BANP: variants seen among roughly 807,000 people sequenced by gnomAD.
The protein encoded by BANP is BTG3 associated nuclear protein, also known as protein BANP.
BANP carries 11 observed loss-of-function variants against 68.1 expected under a neutral mutation model. The ratio of observed to expected loss-of-function variants is 0.16; its 90% CI spans 0.10 to 0.27. BANP has a LOEUF of 0.27. BANP is among the 10% of genes least tolerant of loss of function. The probability of loss-of-function intolerance (pLI) is 1.00; values close to 1 mark genes in which losing one functional copy is unlikely to be tolerated. For synonymous variants in BANP, 329 were observed against 303.2 expected (o/e 1.09, Z -0.88); for missense variants, 504 against 722.7 (o/e 0.70, Z 3.47).
chr16:88,058,679 G>T (rs72818559), intron 11 of BANP, among the ~76,000 whole-genome samples: 1,684 of 152,224 alleles, frequency 0.011, 10 homozygotes, highest in Middle Eastern at 0.017. Flanking sequence ...CCCGGGGTTT[G>T]TAGGAAGCCT....
rs1045100473 is a variant in BANP, at chr16:88,002,417, G to T, written c.363-1878G>T. Among the ~76,000 whole-genome samples the T allele has an allele frequency of 6.6e-6, 1 of 152,182 alleles. No homozygotes were observed. Among genetic ancestry groups the T allele is most frequent in the African/African-American group, 2.4e-5 (1 of 41,438 alleles). ...GCTGGTGTTCAGGTGGCCCTGCGCT[G>T]GCTCCTGGGGTCTGTGCCCTAGGTG... On this transcript the variant is annotated intron_variant, in intron 4 of 13. Transcript: ENST00000682872. The surrounding 1 kb of genome is among the most constrained non-coding windows in gnomAD (Gnocchi z 4.6).
intron 12 of BANP, among the ~76,000 whole-genome samples, chr16:88,068,982 C>T (rs2089572962): frequency 6.6e-6 from 1 of 152,062 alleles, no homozygotes; most frequent in South Asian, 2.1e-4. Flanking sequence ...AGCCCAGCCC[C>T]CTGCCCCTGC....
At position 87,959,643 on chromosome 16, in the gene BANP, G is replaced by A. The variant is rs945698783; in HGVS notation, c.-69+8128G>A. Among the ~76,000 whole-genome samples the A allele has an allele frequency of 3.9e-5, 6 of 152,324 alleles. No individual in the cohort carries two copies. The East Asian group carries it at 1.2e-3, about 29-fold the overall frequency. ...CTGCAGCCCGTGTGGTTTTGGGAGG[G>A]ACACATGGAGCATTGGAGGACAAAG... On this transcript the variant is annotated intron_variant, in intron 1 of 13. Coordinates refer to ENST00000682872, the MANE Select transcript of BANP (RefSeq NM_001386991.1).
At chr16:88,006,379 G>T in intron 6 of BANP, 114 bp downstream of exon 6, 3 of 1,241,628 alleles carry the variant, frequency 2.4e-6, no homozygotes, top group Non-Finnish European at 3.3e-6. Context: ...AGGCGCGGTG[G>T]CTCACGCCTG....
chr16:87,954,423 A>C (rs1358906311), intron 1 of BANP, among the ~76,000 whole-genome samples: 2 of 152,152 alleles, frequency 1.3e-5, no homozygotes, highest in African/African-American at 4.8e-5. Context: ...CTTTATGGCA[A>C]GTCCTCCATA....
At chr16:88,065,923 C>T (rs1370771082) in intron 12 of BANP, among the ~76,000 whole-genome samples, 1 of 152,116 alleles carries the variant, frequency 6.6e-6, no homozygotes, top group African/African-American at 2.4e-5. Flanking sequence ...GCTTGCCTTC[C>T]ACCTCCTTCC....
intron 9 of BANP, 93 bp downstream of exon 9, chr16:88,033,338 T>C (rs1213172361): frequency 1.4e-5 from 18 of 1,305,422 alleles, no homozygotes; most frequent in Non-Finnish European, 1.8e-5. Flanking sequence ...CCGCTGTGTT[T>C]TGGGAGCACA....
At chr16:88,072,746 T>C (rs1166997825) in intron 13 of BANP, among the ~76,000 whole-genome samples, 1 of 152,254 alleles carries the variant, frequency 6.6e-6, no homozygotes, top group Non-Finnish European at 1.5e-5. Context: ...ATCTCCAGCG[T>C]GGCCGAGGCC....
chr16:88,067,010 T>C (rs1453647130), intron 12 of BANP, among the ~76,000 whole-genome samples: 1 of 152,232 alleles, frequency 6.6e-6, no homozygotes, highest in Non-Finnish European at 1.5e-5. Context: ...CAAATTATTT[T>C]ATTACTGTTT....
chr16:88,076,177 T>C (rs781013760), intron 13 of BANP, among the ~76,000 whole-genome samples: 4 of 152,340 alleles, frequency 2.6e-5, no homozygotes, highest in African/African-American at 4.8e-5. Flanking sequence ...TGTTGAAACA[T>C]TGGGACAGTG....
intron 8 of BANP, among the ~76,000 whole-genome samples, chr16:88,029,950 G>A (rs1473802308): frequency 9.2e-5 from 14 of 152,240 alleles, no homozygotes; most frequent in Non-Finnish European, 1.6e-4. Flanking sequence ...TCCAAGGCAG[G>A]CATGAGCTCA....
At chr16:87,987,712 C>CAAAAAAAAAAAAAAAAAAAAAAAAAAAA (rs66648819) in intron 4 of BANP, among the ~76,000 whole-genome samples, 1 of 30,370 alleles carries the variant, frequency 3.3e-5, no homozygotes, top group Non-Finnish European at 5.8e-5. Context: ...GACCCTAACT[C>CAAAAAAAAAAAAAAAAAAAAAAAAAAAA]AAAAAAAAAA....
At chr16:88,058,643 C>T (rs2085802680) in intron 11 of BANP, among the ~76,000 whole-genome samples, 1 of 152,148 alleles carries the variant, frequency 6.6e-6, no homozygotes, top group Non-Finnish European at 1.5e-5. Context: ...GGAGTCGCAG[C>T]CCCAGATGAA....
chr16:87,989,426 C>T (rs1312566327), intron 4 of BANP, among the ~76,000 whole-genome samples: 2 of 152,238 alleles, frequency 1.3e-5, no homozygotes, highest in Non-Finnish European at 2.9e-5. Flanking sequence ...CCAGGGCACG[C>T]ACATGCTCAC....
At chr16:87,980,220 C>G (rs2062986792) in intron 2 of BANP, among the ~76,000 whole-genome samples, 1 of 152,174 alleles carries the variant, frequency 6.6e-6, no homozygotes, top group South Asian at 2.1e-4. Context: ...GAACTTCTAT[C>G]TATAACTGCA....
At chr16:87,982,027 G>A (rs1426724273) in intron 3 of BANP, among the ~76,000 whole-genome samples, 1 of 152,170 alleles carries the variant, frequency 6.6e-6, no homozygotes, top group Non-Finnish European at 1.5e-5. Context: ...AATTTGTTTT[G>A]TTAACAAGGA....
In BANP at chr16:87,969,824, C is replaced by T. The variant is rs571622565; in HGVS notation, c.-68-5224C>T. On this transcript the variant is annotated intron_variant, in intron 1 of 13. Coordinates refer to ENST00000682872, the MANE Select transcript of BANP (RefSeq NM_001386991.1). Reference sequence around the variant, plus strand: ...TGGATTACAGGCATGAGCCACCACGCCTGGCCTGACTATCTTTACATAACT... The same window carrying T: ...TGGATTACAGGCATGAGCCACCACGTCTGGCCTGACTATCTTTACATAACT... 2.6e-5 allele frequency among the ~76,000 whole-genome samples: 4 copies of T among 152,082 alleles called. No homozygotes were observed. The South Asian group carries it at 8.3e-4, about 31-fold the overall frequency.
chr16:87,959,365 T>C (rs2058681709), intron 1 of BANP, among the ~76,000 whole-genome samples: 1 of 152,232 alleles, frequency 6.6e-6, no homozygotes, highest in Non-Finnish European at 1.5e-5. Context: ...TGGGCTGGGT[T>C]GTGGGCCCTC....
At chr16:88,067,230 G>A (rs1353424798) in intron 12 of BANP, among the ~76,000 whole-genome samples, 1 of 152,188 alleles carries the variant, frequency 6.6e-6, no homozygotes, top group African/African-American at 2.4e-5. Flanking sequence ...ACTGGCTTGT[G>A]TGGCTGGTCT....
Sources: gnomAD v4.1 joint callset for allele counts (sites outside exome capture counted in the v4.1 genomes callset) on GRCh38, gnomAD v4.1.1 for gene constraint, Gnocchi (gnomAD v3.1) non-coding constraint, MANE v1.5 for transcripts, NCBI Gene and HGNC (gene_info 2026-07-23, HGNC 2026-07-21) for gene names.